The following LRRC4C variants were observed in gnomAD, a reference collection of about 807,000 sequenced individuals.
The protein encoded by LRRC4C is leucine-rich repeat-containing protein 4C.
In LRRC4C, 5 loss-of-function variants were observed where a neutral mutation model predicts 33.6. That is an observed-to-expected ratio of 0.15 (90% CI 0.08 to 0.31). The LOEUF is 0.31. Among genes scored for constraint, LRRC4C ranks in the 10% least tolerant of loss-of-function variants. LRRC4C has a pLI of 1.00. For synonymous variants in LRRC4C, 329 were observed against 302.0 expected, an observed-to-expected ratio of 1.09 and a Z score of -0.93; for missense variants, 560 against 796.7, an observed-to-expected ratio of 0.70 and a Z score of 3.58.
rs1433805239 is a variant in LRRC4C at position 40,602,201 on chromosome 11, AAAAAAAAAAG to A, written c.-270+45931_-270+45940del. ...AGAGTGAGAATCTGTCTCAAAAAAA[AAAAAAAAAAG>A]AAAAAAAAAGAGGTATGTGAACTAA... is the stretch of plus-strand genomic sequence containing the variant. On this transcript the variant is annotated intron_variant, in intron 3 of 6. Coordinates refer to ENST00000528697, the MANE Select transcript of LRRC4C (RefSeq NM_001258419.2). 4.9e-5 allele frequency among the ~76,000 whole-genome samples: 6 copies of A among 121,442 alleles called. No homozygotes were observed. In the East Asian group the frequency reaches 1.2e-3, roughly 25 times the overall value. The allele number at this position is 121,442 out of a possible 152,430, so 79.7% of individuals were successfully genotyped here.
intron 2 of LRRC4C, among the ~76,000 whole-genome samples, chr11:40,844,705 A>G (rs1953074985): frequency 6.6e-6 from 1 of 152,172 alleles, no homozygotes; most frequent in South Asian, 2.1e-4. Flanking sequence ...ACTCCAAATA[A>G]TAATTCGACA....
intron 3 of LRRC4C, among the ~76,000 whole-genome samples, chr11:40,521,491 A>G (rs140180092): frequency 4.2e-4 from 64 of 152,318 alleles, no homozygotes; most frequent in African/African-American, 1.4e-3. Context: ...TCATTCAAAT[A>G]TGTATTGAAT....
intron 2 of LRRC4C, among the ~76,000 whole-genome samples, chr11:40,844,265 A>AAT (rs1953056269): frequency 6.6e-6 from 1 of 152,140 alleles, no homozygotes; most frequent in African/African-American, 2.4e-5. Flanking sequence ...AAATAAAAAA[A>AAT]ATACAGCGGT....
chr11:40,502,660 G>C (rs542993331), intron 3 of LRRC4C, among the ~76,000 whole-genome samples: 1 of 152,064 alleles, frequency 6.6e-6, no homozygotes, highest in Non-Finnish European at 1.5e-5. Context: ...AGAATTATGG[G>C]AGTACAATTC....
chr11:41,293,659 G>A (rs756931585), intron 1 of LRRC4C, among the ~76,000 whole-genome samples: 19 of 151,622 alleles, frequency 1.3e-4, no homozygotes, highest in Non-Finnish European at 2.4e-4. Flanking sequence ...TACAATGGCC[G>A]CGATCTTAGC....
chr11:40,723,295 C>T (rs1947120835), intron 2 of LRRC4C, among the ~76,000 whole-genome samples: 1 of 151,522 alleles, frequency 6.6e-6, no homozygotes, highest in African/African-American at 2.4e-5. Context: ...ATCCCCAGGA[C>T]ACATAGTCAT....
chr11:41,413,891 C>A (rs1238883992), intron 1 of LRRC4C, among the ~76,000 whole-genome samples: 3 of 152,144 alleles, frequency 2.0e-5, no homozygotes, highest in South Asian at 4.1e-4. Context: ...AATATCACAA[C>A]GGAGCTATGG....
intron 3 of LRRC4C, among the ~76,000 whole-genome samples, chr11:40,347,028 C>T (rs1476985435): frequency 6.6e-6 from 1 of 152,186 alleles, no homozygotes; most frequent in Non-Finnish European, 1.5e-5. Context: ...TAATAAGAGT[C>T]AGCCTGTTCT....
intron 4 of LRRC4C, among the ~76,000 whole-genome samples, chr11:40,284,056 C>T (rs554243434): frequency 6.6e-6 from 1 of 152,112 alleles, no homozygotes; most frequent in Non-Finnish European, 1.5e-5. Flanking sequence ...TTGCCAAATA[C>T]ATATAACAAT....
chr11:41,361,989 TACAC>T (rs371291577), intron 1 of LRRC4C, among the ~76,000 whole-genome samples: 1 of 152,206 alleles, frequency 6.6e-6, no homozygotes, highest in Admixed American at 6.5e-5. Flanking sequence ...CATAATAAGA[TACAC>T]ACATATACAT....
At chr11:40,433,841 G>A (rs1951034301) in intron 3 of LRRC4C, among the ~76,000 whole-genome samples, 1 of 149,902 alleles carries the variant, frequency 6.7e-6, no homozygotes, top group Admixed American at 6.6e-5. Flanking sequence ...CTGCAAATGA[G>A]GAGAAGAAAG....
At chr11:41,233,056 C>T (rs114818645) in intron 1 of LRRC4C, among the ~76,000 whole-genome samples, 2,873 of 152,020 alleles carry the variant, frequency 0.019, 93 homozygotes, top group African/African-American at 0.066. Context: ...CTAAGTAAAA[C>T]CATTATATTT....
intron 2 of LRRC4C, among the ~76,000 whole-genome samples, chr11:40,671,435 G>C (rs1050155693): frequency 6.6e-6 from 1 of 152,128 alleles, no homozygotes; most frequent in African/African-American, 2.4e-5. Context: ...TTAATTAAAG[G>C]ATTGGGAAGC....
chr11:41,215,987 A>G (rs576267135), intron 1 of LRRC4C, among the ~76,000 whole-genome samples: 1 of 152,334 alleles, frequency 6.6e-6, no homozygotes, highest in South Asian at 2.1e-4. Flanking sequence ...CAGTTGAAAC[A>G]AAGCACACAC....
chr11:41,316,262 C>CAAAAAAAAAAAAAAAAAAAAA (rs60671406), intron 1 of LRRC4C, among the ~76,000 whole-genome samples: 20 of 78,004 alleles, frequency 2.6e-4, no homozygotes, highest in East Asian at 6.3e-4. Flanking sequence ...CTCTGGATGG[C>CAAAAAAAAAAAAAAAAAAAAA]AAAAAAAAAA....
chr11:41,109,460 A>G (rs1941702928), intron 1 of LRRC4C, among the ~76,000 whole-genome samples: 1 of 152,102 alleles, frequency 6.6e-6, no homozygotes, highest in Non-Finnish European at 1.5e-5. Flanking sequence ...ATCAGAAACA[A>G]AGCCAGATAT....
chr11:40,329,479 G>A (rs1294096767), intron 3 of LRRC4C, among the ~76,000 whole-genome samples: 4 of 152,122 alleles, frequency 2.6e-5, no homozygotes, highest in Non-Finnish European at 4.4e-5. Flanking sequence ...CGACTGGGCA[G>A]GAATCAGGGT....
chr11:40,116,681 C>T (rs1037215884), intron 6 of LRRC4C, among the ~76,000 whole-genome samples: 9 of 152,092 alleles, frequency 5.9e-5, no homozygotes, highest in African/African-American at 1.7e-4. Context: ...GATTGAAAAG[C>T]TTAAAAAATA....
chr11:41,089,300 G>A (rs184055198), intron 1 of LRRC4C, among the ~76,000 whole-genome samples: 6 of 151,882 alleles, frequency 4.0e-5, no homozygotes, highest in East Asian at 1.9e-4. Flanking sequence ...CCACTTGATC[G>A]GTAGTCTAGA....
Sources: gnomAD v4.1 joint callset for allele counts (sites outside exome capture counted in the v4.1 genomes callset) on GRCh38, gnomAD v4.1.1 for gene constraint, MANE v1.5 for transcripts, NCBI Gene and HGNC (gene_info 2026-07-23, HGNC 2026-07-21) for gene names.